The following DNAJC3 variants were observed in gnomAD, a reference collection of about 807,000 sequenced individuals.
DNAJC3 encodes DnaJ heat shock protein family (Hsp40) member C3, also known as dnaJ homolog subfamily C member 3.
In DNAJC3, 38 loss-of-function variants were observed where a neutral mutation model predicts 68.6. That is an observed-to-expected ratio of 0.55 (90% CI 0.43 to 0.73). DNAJC3 has a LOEUF of 0.73. Ranked by LOEUF, DNAJC3 falls within the 30% of genes least tolerant of loss-of-function variation. The probability of loss-of-function intolerance (pLI) is 0.00; values close to 1 mark genes in which losing one functional copy is unlikely to be tolerated. For synonymous variants in DNAJC3, 203 were observed against 204.0 expected (o/e 1.00, Z 0.04); for missense variants, 526 against 591.9 (o/e 0.89, Z 1.16).
chr13:95,711,133 T>C (rs1438495393), intron 2 of DNAJC3, among the ~76,000 whole-genome samples: 2 of 152,226 alleles, frequency 1.3e-5, no homozygotes, highest in Non-Finnish European at 2.9e-5. Context: ...ATTTTTATTA[T>C]TCAGATTTTT....
At chr13:95,704,031 C>T (rs146528287) in intron 1 of DNAJC3, among the ~76,000 whole-genome samples, 149 of 152,214 alleles carry the variant, frequency 9.8e-4, no homozygotes, top group African/African-American at 3.4e-3. Flanking sequence ...ACTTGTTTGC[C>T]CTTGGTAATT....
At chr13:95,720,709 T>C (rs747974123) in intron 2 of DNAJC3, among the ~76,000 whole-genome samples, 2 of 152,176 alleles carry the variant, frequency 1.3e-5, no homozygotes, top group Non-Finnish European at 2.9e-5. Context: ...GGCTACTGAT[T>C]TTGCTGTCCT....
intron 10 of DNAJC3, 99 bp from the exon 11 acceptor site, chr13:95,786,908 T>C: frequency 1.4e-6 from 2 of 1,412,534 alleles, no homozygotes; most frequent in Admixed American, 4.7e-5. Context: ...AAAACCAGTT[T>C]TGTTAATTGC....
intron 4 of DNAJC3, among the ~76,000 whole-genome samples, chr13:95,743,724 A>AT (rs1184925521): frequency 6.6e-6 from 1 of 151,944 alleles, no homozygotes; most frequent in Non-Finnish European, 1.5e-5. Context: ...CACCCAGCTA[A>AT]TTTTTTGTGT....
rs185066184 is a variant in DNAJC3, at chr13:95,763,083, T to C, written c.849-560T>C. On this transcript the variant is annotated intron_variant, in intron 7 of 11. Transcript: ENST00000602402. The stretch of plus-strand genomic sequence containing the variant: ...ACTGAGTATATAACAGGATTAGTAC[T>C]TTTTACTGGTTTAAAGAAAATGCTG... 2.9e-4 allele frequency among the ~76,000 whole-genome samples: 44 copies of C among 152,346 alleles called. No individual in the cohort carries two copies. The Middle Eastern group carries it at 0.01, about 35-fold the overall frequency.
intron 3 of DNAJC3, among the ~76,000 whole-genome samples, chr13:95,724,362 G>A (rs1032393407): frequency 8.5e-5 from 13 of 152,266 alleles, no homozygotes; most frequent in African/African-American, 3.1e-4. Flanking sequence ...GTCATCCAGA[G>A]TTGGTATTCT....
intron 1 of DNAJC3, among the ~76,000 whole-genome samples, chr13:95,699,553 A>G (rs538097984): frequency 4.6e-5 from 7 of 152,204 alleles, no homozygotes; most frequent in Non-Finnish European, 8.8e-5. Context: ...AACTGTGGAA[A>G]GCTTACCCTG....
At chr13:95,708,822 A>G (rs780751724) in intron 1 of DNAJC3, among the ~76,000 whole-genome samples, 20 of 152,208 alleles carry the variant, frequency 1.3e-4, no homozygotes, top group Non-Finnish European at 2.6e-4. Flanking sequence ...TATTGCAGAT[A>G]CCTAAAATAG....
intron 7 of DNAJC3, among the ~76,000 whole-genome samples, 190 bp downstream of exon 7, chr13:95,760,988 G>A (rs985193799): frequency 6.6e-6 from 1 of 152,186 alleles, no homozygotes; most frequent in African/African-American, 2.4e-5. Context: ...AATAGTAACT[G>A]TGTAGTATCC....
At position 95,791,196 on chromosome 13, in the gene DNAJC3, T is replaced by A. The variant is rs1566521144; in HGVS notation, c.*166T>A. 2.5e-6 allele frequency: 2 copies of A among 794,666 alleles called. No individual in the cohort carries two copies. The highest frequency in any genetic ancestry group is 3.9e-6 in the Non-Finnish European group (2 of 510,284). 49.2% of individuals were successfully genotyped at this position (794,666 alleles called of 1,614,324 possible). A position where few individuals can be genotyped will look rare whatever the true frequency, so the allele number is the denominator to read the frequency against. On this transcript the variant is annotated 3_prime_UTR_variant, in exon 12 of 12. Coordinates refer to ENST00000602402, the MANE Select transcript of DNAJC3 (RefSeq NM_006260.5). ...TTCTTATCCCTGTCAGATTTATGGT[T>A]AATGGGTTTGCAACGGCAAGGAGGC...
chr13:95,704,043 G>A (rs985222419), intron 1 of DNAJC3, among the ~76,000 whole-genome samples: 3 of 152,016 alleles, frequency 2.0e-5, no homozygotes, highest in Non-Finnish European at 2.9e-5. Flanking sequence ...TTGGTAATTC[G>A]GATTCATTTT....
intron 9 of DNAJC3, among the ~76,000 whole-genome samples, chr13:95,767,987 G>C (rs950946587): frequency 6.6e-6 from 1 of 152,088 alleles, no homozygotes; most frequent in East Asian, 1.9e-4. Flanking sequence ...TTACAGGCGT[G>C]AGCTACACTG....
At chr13:95,749,920 C>T (rs940105951) in intron 4 of DNAJC3, among the ~76,000 whole-genome samples, 1 of 152,096 alleles carries the variant, frequency 6.6e-6, no homozygotes, top group African/African-American at 2.4e-5. Flanking sequence ...CGTGGTGGCC[C>T]ATGCCTGTAG....
chr13:95,792,958 G>A lies in DNAJC3; in HGVS notation c.*1928G>A, dbSNP rs980699107. The stretch of plus-strand genomic sequence containing the variant: ...TATCAAATCACTTGCCTTTCCACTT[G>A]GAGAGCACGACAGTTGCCAACAACA... On this transcript the variant is annotated 3_prime_UTR_variant, in exon 12 of 12. Coordinates refer to ENST00000602402, the MANE Select transcript of DNAJC3 (RefSeq NM_006260.5). The A allele has an allele frequency of 3.9e-5, 6 of 152,190 alleles. No individual in the cohort carries two copies. The highest frequency in any genetic ancestry group is 2.6e-4 in the Admixed American group (4 of 15,276). The allele number at this position is 152,190 out of a possible 1,614,324, so 9.4% of individuals were successfully genotyped here.
chr13:95,712,858 G>T (rs1014479024), intron 2 of DNAJC3, among the ~76,000 whole-genome samples: 1 of 152,098 alleles, frequency 6.6e-6, no homozygotes, highest in African/African-American at 2.4e-5. Context: ...ATTTAATCAC[G>T]GGGGAAAATA....
At position 95,791,160 on chromosome 13, in the gene DNAJC3, GA is replaced by G; in HGVS notation, c.*136del. 1 of 1,060,414 alleles carries G rather than the reference GA, an allele frequency of 9.4e-7. No individual in the cohort carries two copies. Among genetic ancestry groups the G allele is most frequent in the Non-Finnish European group, 1.4e-6 (1 of 736,806 alleles). The allele number at this position is 1,060,414 out of a possible 1,614,324, so 65.7% of individuals were successfully genotyped here. A position where few individuals can be genotyped will look rare whatever the true frequency, so the allele number is the denominator to read the frequency against. The stretch of plus-strand genomic sequence containing the variant: ...CATGACCAAAGAGTTGCTTTAATAG[GA>G]AAAAATCTGTTCTTATCCCTGTCAG... On this transcript the variant is annotated 3_prime_UTR_variant, in exon 12 of 12. Coordinates refer to ENST00000602402, the MANE Select transcript of DNAJC3 (RefSeq NM_006260.5).
Position 95,725,243 on chromosome 13 carries a change from T to C in DNAJC3, c.384T>C (p.Phe128=). The C allele has an allele frequency of 1.3e-6, 2 of 1,594,060 alleles. No individual in the cohort carries two copies. The highest frequency in any genetic ancestry group is 1.7e-6 in the Non-Finnish European group (2 of 1,172,902). ...QGKLDEAEDD[F]KKVLKSNPSE... is the part of the protein sequence containing the mutation. ...AACTTGATGAAGCAGAAGATGATTT[T>C]AAAAAAGTGGTAAGTTCAATATGTA... Residue 128 remains phenylalanine (F), a synonymous_variant, in exon 4 of 12, where the codon TTT becomes TTC. Transcript: ENST00000602402.
rs1882795821 is a variant in DNAJC3 at position 95,760,686 on chromosome 13, C to T, written c.736C>T (p.Arg246Trp). 2.5e-6 allele frequency: 4 copies of T among 1,605,956 alleles called. No individual in the cohort carries two copies. Among genetic ancestry groups the T allele is most frequent in the Non-Finnish European group, 2.5e-6 (3 of 1,176,852 alleles). Residue 246 changes from arginine (R) to tryptophan (W), a missense_variant, in exon 7 of 12, where the codon CGG becomes TGG. Coordinates refer to ENST00000602402, the MANE Select transcript of DNAJC3 (RefSeq NM_006260.5). ...TTTTAAATACATGAACAGTGAAGTTCGGGAATGTCTTAAACTTGACCAGGA... is the reference window on the plus strand; with the variant it reads ...TTTTAAATACATGAACAGTGAAGTTTGGGAATGTCTTAAACTTGACCAGGA... ...GDHELSLSEVRECLKLDQDHK... is the reference protein window; with the variant it reads ...GDHELSLSEVWECLKLDQDHK...
chr13:95,735,595 G>GT (rs1481277680), intron 4 of DNAJC3, among the ~76,000 whole-genome samples: 2 of 151,124 alleles, frequency 1.3e-5, no homozygotes, highest in African/African-American at 4.9e-5. Flanking sequence ...TTTTTCATGT[G>GT]TTTTTTGGCC....
Sources: gnomAD v4.1 joint callset for allele counts (sites outside exome capture counted in the v4.1 genomes callset) on GRCh38, gnomAD v4.1.1 for gene constraint, MANE v1.5 for transcripts, NCBI Gene and HGNC (gene_info 2026-07-23, HGNC 2026-07-21) for gene names.